C5orf24: variants seen among roughly 807,000 people sequenced by gnomAD.
C5orf24 encodes UPF0461 protein C5orf24.
Under a neutral mutation model 9.8 loss-of-function variants are expected in C5orf24, and 4 were observed. The observed-to-expected ratio is 0.41, with a 90% CI of 0.20 to 0.93. The LOEUF (loss-of-function observed/expected upper bound fraction) is 0.93, where lower values mean the gene tolerates loss of function less well. Ranked by LOEUF, C5orf24 falls within the 40% of genes least tolerant of loss-of-function variation. The pLI, the probability that C5orf24 is intolerant of heterozygous loss-of-function variation, is 0.33. For synonymous variants in C5orf24, 73 were observed against 81.3 expected (o/e 0.90, Z 0.55); for missense variants, 170 against 236.9 (o/e 0.72, Z 1.85).
chr5:134,852,669 T>C (rs58071124), intron 1 of C5orf24, among the ~76,000 whole-genome samples: 25,427 of 152,162 alleles, frequency 0.17, 2,377 homozygotes, highest in South Asian at 0.37. Flanking sequence ...TTGTGACTCT[T>C]TATAAATCCG....
chr5:134,835,167 G>T, the C5orf24 span, among the ~76,000 whole-genome samples: 2 of 152,282 alleles, frequency 1.3e-5, no homozygotes, highest in Non-Finnish European at 2.9e-5. Context: ...GATCACGCCA[G>T]TGCACTCCGG....
chr5:134,859,224 A>G lies in C5orf24; in HGVS notation c.*3757A>G, dbSNP rs1401395612. 1.2e-5 allele frequency: 2 copies of G among 167,034 alleles called. No homozygotes were observed. The highest frequency in any genetic ancestry group is 4.8e-5 in the African/African-American group (2 of 41,466). The allele number at this position is 167,034 out of a possible 1,614,324, so 10.3% of individuals were successfully genotyped here. ...TGCAGTAAAATTTTATGGTCCCTTT[A>G]TAGGAATATAAAGAATTCAAAACAG... On this transcript the variant is annotated 3_prime_UTR_variant, in exon 2 of 2. Transcript: ENST00000394976.
intron 1 of C5orf24, among the ~76,000 whole-genome samples, chr5:134,847,560 C>T (rs1424793792): frequency 2.6e-5 from 4 of 152,174 alleles, no homozygotes; most frequent in African/African-American, 7.2e-5. Flanking sequence ...TCCCAAAGTG[C>T]TGGGATTACA....
chr5:134,843,400 A>T (rs1289625182), upstream of C5orf24, among the ~76,000 whole-genome samples: 1 of 152,220 alleles, frequency 6.6e-6, no homozygotes, highest in Non-Finnish European at 1.5e-5. Context: ...ATAGAATAGT[A>T]TAATGAACAT....
chr5:134,849,527 C>T (rs183638483), intron 1 of C5orf24, among the ~76,000 whole-genome samples: 9 of 151,842 alleles, frequency 5.9e-5, no homozygotes, highest in Admixed American at 3.3e-4. Flanking sequence ...ATATTAAATT[C>T]CTTGTCCAGC....
At chr5:134,853,174 T>A (rs1377850162) in intron 1 of C5orf24, among the ~76,000 whole-genome samples, 64 of 145,322 alleles carry the variant, frequency 4.4e-4, no homozygotes, top group Admixed American at 2.1e-3. Flanking sequence ...CAAAAAAAAA[T>A]AAAAAATAAA....
Position 134,856,683 on chromosome 5 carries a change from A to G in C5orf24, c.*1216A>G, listed in dbSNP as rs181710725. On this transcript the variant is annotated 3_prime_UTR_variant, in exon 2 of 2. Coordinates refer to ENST00000394976, the MANE Select transcript of C5orf24 (RefSeq NM_001135586.1). Reference sequence around the variant, plus strand: ...AATAAATAAATAAATAAATAAATAAAACCATTTATTGATGTTGCTCATTTA... The same window carrying G: ...AATAAATAAATAAATAAATAAATAAGACCATTTATTGATGTTGCTCATTTA... 208 of 896,736 alleles carry G rather than the reference A, an allele frequency of 2.3e-4. No individual in the cohort carries two copies. In the African/African-American group the frequency reaches 3.0e-3, roughly 13 times the overall value. 55.5% of individuals were successfully genotyped at this position (896,736 alleles called of 1,614,324 possible).
At chr5:134,845,109 TTGAA>T (rs1159410384), upstream of C5orf24, among the ~76,000 whole-genome samples, 3 of 152,186 alleles carry the variant, frequency 2.0e-5, no homozygotes, top group Admixed American at 6.5e-5. Flanking sequence ...CCTCAGTAGT[TTGAA>T]TGAATGGGCT....
At chr5:134,834,225 TC>T in the C5orf24 span, among the ~76,000 whole-genome samples, 1 of 152,234 alleles carries the variant, frequency 6.6e-6, no homozygotes, top group Non-Finnish European at 1.5e-5. Flanking sequence ...AAAAACATGT[TC>T]TTTCTACAGA....
At chr5:134,841,584 CA>C (rs928746268), upstream of C5orf24, among the ~76,000 whole-genome samples, 3 of 147,104 alleles carry the variant, frequency 2.0e-5, no homozygotes, top group Admixed American at 1.4e-4. Context: ...GAGACTGTCT[CA>C]AAAAAAAAAG....
chr5:134,857,330 T>G lies in C5orf24; in HGVS notation c.*1863T>G. The G allele has an allele frequency of 6.5e-7, 1 of 1,541,888 alleles. No individual in the cohort carries two copies. The highest frequency in any genetic ancestry group is 8.8e-7 in the Non-Finnish European group (1 of 1,141,344). On this transcript the variant is annotated 3_prime_UTR_variant, in exon 2 of 2. Transcript: ENST00000394976. ...AATGCAAACTCTGATTGCAAATGGA[T>G]GTCATGTTTCATACCTTTTTTATCA...
chr5:134,836,994 A>T, the C5orf24 span, among the ~76,000 whole-genome samples: 32 of 151,062 alleles, frequency 2.1e-4, no homozygotes, highest in African/African-American at 7.5e-4. Context: ...TTTTTTTGAG[A>T]TGGAGTTTCA....
intron 1 of C5orf24, among the ~76,000 whole-genome samples, chr5:134,850,937 T>TATATATATAC (rs762710710): frequency 1.4e-4 from 21 of 146,992 alleles, no homozygotes; most frequent in African/African-American, 5.3e-4. Context: ...TATATATATA[T>TATATATATAC]ACACACACAC....
At chr5:134,839,835 G>A in the C5orf24 span, among the ~76,000 whole-genome samples, 3 of 152,050 alleles carry the variant, frequency 2.0e-5, no homozygotes, top group East Asian at 1.9e-4. Flanking sequence ...TTACAGGTGC[G>A]TGCCACCATG....
upstream of C5orf24, among the ~76,000 whole-genome samples, chr5:134,844,134 G>C (rs761130967): frequency 3.9e-4 from 60 of 152,148 alleles, no homozygotes; most frequent in Admixed American, 1.2e-3. Context: ...TTTCAGACAA[G>C]AGTTTAGAGT....
At chr5:134,840,560 G>T in the C5orf24 span, among the ~76,000 whole-genome samples, 1 of 151,964 alleles carries the variant, frequency 6.6e-6, no homozygotes, top group Non-Finnish European at 1.5e-5. Context: ...TGGGGACAGA[G>T]TCTCACTCTG....
In C5orf24 at chr5:134,857,534, T is replaced by C. The variant is rs1756346972; in HGVS notation, c.*2067T>C. 8.7e-7 allele frequency: 1 copy of C among 1,147,858 alleles called. No individual in the cohort carries two copies. Among genetic ancestry groups the C allele is most frequent in the Non-Finnish European group, 1.1e-6 (1 of 875,842 alleles). 71.1% of individuals were successfully genotyped at this position (1,147,858 alleles called of 1,614,324 possible). ...ACAAACCATAGAGAACGATGTTGGA[T>C]GGTTACATAATCAGTTATAACATTC... On this transcript the variant is annotated 3_prime_UTR_variant, in exon 2 of 2. Coordinates refer to ENST00000394976, the MANE Select transcript of C5orf24 (RefSeq NM_001135586.1).
rs144649531 is a variant in C5orf24 at position 134,859,547 on chromosome 5, A to G, written c.*4080A>G. ...GTAATTTTGGAGAAAATAATTACCA[A>G]TTAACTGATAATAAGCACGCTGTCC... On this transcript the variant is annotated 3_prime_UTR_variant, in exon 2 of 2. Transcript: ENST00000394976. 3.0e-3 allele frequency: 508 copies of G among 167,170 alleles called. 4 individuals carry two copies. The highest frequency in any genetic ancestry group is 0.012 in the African/African-American group (479 of 41,578). The allele number at this position is 167,170 out of a possible 1,614,324, so 10.4% of individuals were successfully genotyped here. A position where few individuals can be genotyped will look rare whatever the true frequency, so the allele number is the denominator to read the frequency against.
At chr5:134,847,705 A>ATTTTTTTTTTTTTTTTTT (rs57323019) in intron 1 of C5orf24, among the ~76,000 whole-genome samples, 1 of 134,958 alleles carries the variant, frequency 7.4e-6, no homozygotes, top group Non-Finnish European at 1.6e-5. Flanking sequence ...TATTCATCCT[A>ATTTTTTTTTTTTTTTTTT]TTTTTTTTTT....
Sources: allele counts gnomAD v4.1 joint callset (sites outside exome capture counted in the v4.1 genomes callset), GRCh38; gene constraint gnomAD v4.1.1; transcripts MANE v1.5; gene names NCBI Gene and HGNC (gene_info 2026-07-23, HGNC 2026-07-21).